The following ALDH9A1 variants were observed in gnomAD, a reference collection of about 807,000 sequenced individuals.
ALDH9A1 encodes the protein 4-trimethylaminobutyraldehyde dehydrogenase.
In ALDH9A1, 42 loss-of-function variants were observed where a neutral mutation model predicts 56.6. The observed-to-expected ratio is 0.74, with a 90% CI of 0.58 to 0.96. ALDH9A1 has a LOEUF of 0.96. Ranked by LOEUF, ALDH9A1 falls within the 40% of genes least tolerant of loss-of-function variation. ALDH9A1 has a pLI of 0.00. For synonymous variants in ALDH9A1, 242 were observed against 236.0 expected (o/e 1.03, Z -0.23); for missense variants, 661 against 651.5 (o/e 1.01, Z -0.16).
At chr1:165,686,552 G>A (rs1649716083) in intron 2 of ALDH9A1, among the ~76,000 whole-genome samples, 1 of 150,178 alleles carries the variant, frequency 6.7e-6, no homozygotes, top group African/African-American at 2.4e-5. Context: ...CACAGGGCCA[G>A]GTATAGTTCA....
chr1:165,688,710 A>C (rs1309477354), intron 2 of ALDH9A1, among the ~76,000 whole-genome samples: 2 of 152,188 alleles, frequency 1.3e-5, no homozygotes, highest in East Asian at 3.9e-4. Flanking sequence ...CCTGTCAAAA[A>C]AGAACAAAGA....
At position 165,695,268 on chromosome 1, in the gene ALDH9A1, G is replaced by T; in HGVS notation, c.311C>A (p.Ala104Asp). 6.2e-7 allele frequency: 1 copy of T among 1,607,976 alleles called. No homozygotes were observed. ...GMERCRILLE[A>D]ARIIREREDE... ...GGAACATACCCTTATTATCCTGGCA[G>T]CCTCCAAAAGGATTCGGCAACGCTC... Residue 104 changes from alanine to aspartate, a missense_variant, in exon 2 of 11, where the codon GCT (alanine) becomes GAT (aspartate). Coordinates refer to ENST00000354775, the MANE Select transcript of ALDH9A1 (RefSeq NM_000696.4).
chr1:165,679,160 A>G (rs1480627078), intron 6 of ALDH9A1, among the ~76,000 whole-genome samples: 1 of 152,176 alleles, frequency 6.6e-6, no homozygotes, highest in Non-Finnish European at 1.5e-5. Flanking sequence ...TAGGAACTTT[A>G]TATTTAGAGG....
At chr1:165,685,261 A>C (rs4646888) in intron 2 of ALDH9A1, among the ~76,000 whole-genome samples, 1 of 152,020 alleles carries the variant, frequency 6.6e-6, no homozygotes, top group Non-Finnish European at 1.5e-5. Context: ...AGAAGCCAAG[A>C]GTAGGTCCCT....
intron 10 of ALDH9A1, among the ~76,000 whole-genome samples, chr1:165,663,356 T>C: frequency 6.6e-6 from 1 of 152,178 alleles, no homozygotes; most frequent in East Asian, 1.9e-4. Context: ...GATAGGGAAA[T>C]ATACAGATCT....
intron 9 of ALDH9A1, among the ~76,000 whole-genome samples, chr1:165,666,554 A>G (rs1200617473): frequency 6.6e-6 from 1 of 152,154 alleles, no homozygotes; most frequent in Non-Finnish European, 1.5e-5. Context: ...CAGCTCCTCA[A>G]TCTTTTCTTC....
At chr1:165,687,740 C>T (rs1372879701) in intron 2 of ALDH9A1, among the ~76,000 whole-genome samples, 1 of 152,190 alleles carries the variant, frequency 6.6e-6, no homozygotes, top group Non-Finnish European at 1.5e-5. Flanking sequence ...GTAATCCCAG[C>T]ACTTTGGGAA....
rs746236428 is a variant in ALDH9A1 at position 165,680,499 on chromosome 1, G to A, written c.777C>T (p.Pro259=). Residue 259 remains proline, a synonymous_variant, in exon 5 of 11, where the codon CCC becomes CCT. Coordinates refer to ENST00000354775, the MANE Select transcript of ALDH9A1 (RefSeq NM_000696.4). The part of the protein sequence containing the change: ...VAKVSFTGSV[P]TGMKIMEMSA... ...GTTTTGTCCTCACCTTCATGCCAGT[G>A]GGCACACTTCCAGTGAAGGAGACTT... 3.1e-6 allele frequency: 5 copies of A among 1,614,032 alleles called. No homozygotes were observed. The highest frequency in any genetic ancestry group is 1.1e-5 in the South Asian group (1 of 91,072).
rs1436915725 is a variant in ALDH9A1 at position 165,666,860 on chromosome 1, T to C, written c.1349+449A>G. Among the ~76,000 whole-genome samples, 6 of 152,202 alleles carry C rather than the reference T, an allele frequency of 3.9e-5. No homozygotes were observed. The East Asian group carries it at 9.6e-4, about 24-fold the overall frequency. ...AAAGATATTAATCATATTACTATAA[T>C]ATTTAAAATAGAAACAATATCCCAA... is the stretch of plus-strand genomic sequence containing the variant. On this transcript the variant is annotated intron_variant, in intron 9 of 10. Coordinates refer to ENST00000354775, the MANE Select transcript of ALDH9A1 (RefSeq NM_000696.4).
At chr1:165,685,640 G>A (rs751202332) in intron 2 of ALDH9A1, among the ~76,000 whole-genome samples, 9 of 152,266 alleles carry the variant, frequency 5.9e-5, no homozygotes, top group Middle Eastern at 3.4e-3. Flanking sequence ...CATGGTAAAC[G>A]AGGAAGGACC....
chr1:165,666,839 A>G (rs1209663422), intron 9 of ALDH9A1, among the ~76,000 whole-genome samples: 1 of 152,208 alleles, frequency 6.6e-6, no homozygotes, highest in Non-Finnish European at 1.5e-5. Flanking sequence ...ATGCACAAAG[A>G]TATTAATCAT....
intron 2 of ALDH9A1, among the ~76,000 whole-genome samples, chr1:165,694,909 T>A: frequency 6.7e-6 from 1 of 148,432 alleles, no homozygotes; most frequent in East Asian, 2.0e-4. Context: ...TGAGCCGAGA[T>A]CACTCCACTG....
chr1:165,662,936 C>G lies in ALDH9A1; in HGVS notation c.*114G>C. Reference sequence around the variant, plus strand: ...GAGTAACATGAACCATTCTCTTATACTGAACGCCAAAATTCTGGATGTAAA... The same window carrying G: ...GAGTAACATGAACCATTCTCTTATAGTGAACGCCAAAATTCTGGATGTAAA... On this transcript the variant is annotated 3_prime_UTR_variant, in exon 11 of 11. Coordinates refer to ENST00000354775, the MANE Select transcript of ALDH9A1 (RefSeq NM_000696.4). The G allele has an allele frequency of 1.1e-6, 1 of 924,990 alleles. No individual in the cohort carries two copies. The highest frequency in any genetic ancestry group is 1.7e-6 in the Non-Finnish European group (1 of 572,608). The allele number at this position is 924,990 out of a possible 1,614,324, so 57.3% of individuals were successfully genotyped here.
At chr1:165,677,657 GA>G (rs1649405701) in intron 6 of ALDH9A1, among the ~76,000 whole-genome samples, 1 of 152,058 alleles carries the variant, frequency 6.6e-6, no homozygotes. Context: ...AGGAGATCCA[GA>G]CCATCCTGGC....
intron 6 of ALDH9A1, chr1:165,671,849 T>G: frequency 5.0e-6 from 1 of 200,384 alleles, no homozygotes; most frequent in Non-Finnish European, 1.0e-5. Flanking sequence ...ACATATGCAG[T>G]CAATATCACT....
chr1:165,679,612 C>T (rs1649481433), intron 5 of ALDH9A1, 30 bp from the exon 6 acceptor site: 6 of 1,613,442 alleles, frequency 3.7e-6, no homozygotes, highest in Non-Finnish European at 4.2e-6. Context: ...GTATTCAGAA[C>T]TTTAACACAA....
At chr1:165,698,193 T>G in intron 1 of ALDH9A1, 185 bp downstream of exon 1, 2 of 1,361,324 alleles carry the variant, frequency 1.5e-6, no homozygotes. Context: ...TCCCTACCCA[T>G]CCCTGCCCGG....
Position 165,698,479 on chromosome 1 carries a change from G to T in ALDH9A1, c.80C>A (p.Thr27Asn). The T allele has an allele frequency of 6.2e-7, 1 of 1,608,900 alleles. No homozygotes were observed. The change falls in exon 1 of 11, where the codon ACT (threonine) becomes AAT (asparagine). Residue 27 changes from threonine (T) to asparagine (N), a missense_variant. By Grantham distance (65) the Thr-to-Asn change is moderately conservative. Transcript: ENST00000354775. ...LRPSPVAAMS[T>N]GTFVVSQPLN... The stretch of plus-strand genomic sequence containing the variant: ...CGGCTGCGACACGACGAAGGTGCCA[G>T]TGCTCATGGCGGCGACAGGAGAGGG...
chr1:165,669,671 A>G (rs1046043136), intron 6 of ALDH9A1, among the ~76,000 whole-genome samples: 1 of 152,132 alleles, frequency 6.6e-6, no homozygotes, highest in Admixed American at 6.6e-5. Flanking sequence ...CTTTGAGGTA[A>G]AAGTTAGTTC....
Sources: gnomAD v4.1 joint callset for allele counts (sites outside exome capture counted in the v4.1 genomes callset) on GRCh38, gnomAD v4.1.1 for gene constraint, MANE v1.5 for transcripts, NCBI Gene and HGNC (gene_info 2026-07-23, HGNC 2026-07-21) for gene names.